EPB41L4B: variants seen among roughly 807,000 people sequenced by gnomAD.
EPB41L4B encodes the protein band 4.1-like protein 4B.
A neutral mutation model predicts 112.5 loss-of-function variants in EPB41L4B; 30 were observed. The observed-to-expected ratio is 0.27, with a 90% confidence interval of 0.20 to 0.36. The LOEUF (loss-of-function observed/expected upper bound fraction) is 0.36. Among genes scored for constraint, EPB41L4B ranks in the 10% least tolerant of loss-of-function variants. The probability of loss-of-function intolerance (pLI) is 1.00; values close to 1 mark genes in which losing one functional copy is unlikely to be tolerated. For synonymous variants in EPB41L4B, 408 were observed against 439.7 expected, an observed-to-expected ratio of 0.93 and a Z score of 0.90; for missense variants, 1,024 against 1,133.3, an observed-to-expected ratio of 0.90 and a Z score of 1.38.
intron 1 of EPB41L4B, among the ~76,000 whole-genome samples, chr9:109,282,530 T>G (rs1170231661): frequency 6.6e-6 from 1 of 151,988 alleles, no homozygotes; most frequent in East Asian, 1.9e-4. Flanking sequence ...GGGTAGTAGG[T>G]TCTAAGCACT....
At chr9:109,275,265 C>A (rs1357656343) in intron 2 of EPB41L4B, among the ~76,000 whole-genome samples, 1 of 152,222 alleles carries the variant, frequency 6.6e-6, no homozygotes, top group East Asian at 1.9e-4. Context: ...CAGCTGCCAA[C>A]CTCTGATCTG....
chr9:109,268,347 C>G (rs762756885), intron 3 of EPB41L4B, 44 bp downstream of exon 3: 1 of 1,576,762 alleles, frequency 6.3e-7, no homozygotes, highest in Non-Finnish European at 8.7e-7. Context: ...GGAGTTTACT[C>G]TCAGAAAAAA....
Position 109,174,557 on chromosome 9 carries a change from C to A in EPB41L4B, c.2700G>T (p.Leu900=), listed in dbSNP as rs753500246. Residue 900 remains leucine, a synonymous_variant, in exon 26 of 26, where the codon CTG becomes CTT. Transcript: ENST00000374566. ...TCCAGGTGACAAGGGGAGAATTTCA[C>A]AGTTCGGTCATCAACAGTCTTTTCA... is the stretch of plus-strand genomic sequence containing the variant. ...KMMKRLLMTE[L] 1 of 1,613,824 alleles carries A rather than the reference C, an allele frequency of 6.2e-7. No individual in the cohort carries two copies. Among genetic ancestry groups the A allele is most frequent in the Non-Finnish European group, 8.5e-7 (1 of 1,179,836 alleles).
chr9:109,312,453 T>C (rs6477700), intron 1 of EPB41L4B, among the ~76,000 whole-genome samples: 22,049 of 151,892 alleles, frequency 0.15, 1,807 homozygotes, highest in African/African-American at 0.23. Context: ...TGGAAGCCCT[T>C]TGGGGGCTCA....
intron 3 of EPB41L4B, 124 bp from the exon 4 acceptor site, chr9:109,267,675 G>A (rs1835458027): frequency 1.6e-6 from 1 of 629,526 alleles, no homozygotes; most frequent in Non-Finnish European, 2.8e-6. Context: ...AGCATAACTG[G>A]GCACGCGACA....
In EPB41L4B at chr9:109,285,113, G is replaced by A. The variant is rs141370917; in HGVS notation, c.307-5192C>T. On this transcript the variant is annotated intron_variant, in intron 1 of 25. Coordinates refer to ENST00000374566, the MANE Select transcript of EPB41L4B (RefSeq NM_019114.5). ...TGCCATGGTGCCCTGAATACACAGG[G>A]CCACCAAAACTCAAATGGCCCCAAA... Among the ~76,000 whole-genome samples the A allele has an allele frequency of 1.2e-3, 179 of 152,316 alleles. 1 individual carries two copies. The highest frequency in any genetic ancestry group is 4.0e-3 in the African/African-American group (165 of 41,566).
At chr9:109,195,600 T>A (rs1588127439) in intron 20 of EPB41L4B, among the ~76,000 whole-genome samples, 1 of 152,350 alleles carries the variant, frequency 6.6e-6, no homozygotes, top group East Asian at 1.9e-4. Flanking sequence ...ACCATCTCCA[T>A]TTTTCAGAGA....
At chr9:109,243,459 C>T (rs1375278173) in intron 15 of EPB41L4B, among the ~76,000 whole-genome samples, 159 bp downstream of exon 15, 1 of 152,174 alleles carries the variant, frequency 6.6e-6, no homozygotes, top group East Asian at 1.9e-4. Context: ...ACATCACTGG[C>T]TACCTTTGCT....
At chr9:109,313,456 C>T (rs1038816079) in intron 1 of EPB41L4B, among the ~76,000 whole-genome samples, 4 of 152,160 alleles carry the variant, frequency 2.6e-5, no homozygotes, top group East Asian at 1.9e-4. Flanking sequence ...GGATGCTGCC[C>T]GGCTCCAGCC....
At chr9:109,284,694 C>T (rs1433386523) in intron 1 of EPB41L4B, among the ~76,000 whole-genome samples, 2 of 152,196 alleles carry the variant, frequency 1.3e-5, no homozygotes, top group Non-Finnish European at 2.9e-5. Flanking sequence ...AGGCGTGAGC[C>T]CCCACGCCTG....
intron 15 of EPB41L4B, among the ~76,000 whole-genome samples, chr9:109,218,126 C>CTTTTTTTTTT: frequency 9.4e-6 from 1 of 106,568 alleles, no homozygotes; most frequent in Middle Eastern, 7.0e-3. Flanking sequence ...ACTAATAATT[C>CTTTTTTTTTT]TTTTTTTTTT....
chr9:109,310,383 T>C (rs1376266352), intron 1 of EPB41L4B, among the ~76,000 whole-genome samples: 1 of 152,148 alleles, frequency 6.6e-6, no homozygotes, highest in Non-Finnish European at 1.5e-5. Context: ...ACAGAGCATG[T>C]GGGGACTTTC....
chr9:109,237,123 G>A (rs1018454841), intron 15 of EPB41L4B, among the ~76,000 whole-genome samples: 2 of 152,200 alleles, frequency 1.3e-5, no homozygotes, highest in African/African-American at 4.8e-5. Flanking sequence ...GGCTGGAGTC[G>A]CTGACCTGGA....
intron 6 of EPB41L4B, among the ~76,000 whole-genome samples, chr9:109,260,252 T>A (rs1274914668): frequency 6.6e-6 from 1 of 151,946 alleles, no homozygotes; most frequent in Non-Finnish European, 1.5e-5. Flanking sequence ...GTATTTTTTG[T>A]AGAGACAGGG....
intron 1 of EPB41L4B, among the ~76,000 whole-genome samples, chr9:109,297,042 C>G (rs1836756926): frequency 1.3e-5 from 2 of 151,986 alleles, no homozygotes; most frequent in African/African-American, 4.8e-5. Flanking sequence ...AAAGAGGTAA[C>G]TAAGCTGAAG....
intron 1 of EPB41L4B, among the ~76,000 whole-genome samples, chr9:109,305,715 G>C (rs1299410908): frequency 6.6e-6 from 1 of 152,020 alleles, no homozygotes; most frequent in Non-Finnish European, 1.5e-5. Flanking sequence ...CTGAGGTCGG[G>C]AGTTCAAGAC....
chr9:109,182,608 C>T (rs978139779), intron 24 of EPB41L4B, 121 bp downstream of exon 24: 12 of 722,672 alleles, frequency 1.7e-5, no homozygotes, highest in African/African-American at 5.3e-5. Context: ...TCTTCCCAAC[C>T]TCACAGAGTT....
rs1329755706 is a variant in EPB41L4B, at chr9:109,172,483, T to A, written c.*2071A>T. ...ACCCAAACGCTACAATTGCCCCGGA[T>A]AGCTCCACTGACAGAGCAGAGAGCA... On this transcript the variant is annotated 3_prime_UTR_variant, in exon 26 of 26. Coordinates refer to ENST00000374566, the MANE Select transcript of EPB41L4B (RefSeq NM_019114.5). 1 of 152,180 alleles carries A rather than the reference T, an allele frequency of 6.6e-6. No individual in the cohort carries two copies. Among genetic ancestry groups the A allele is most frequent in the African/African-American group, 2.4e-5 (1 of 41,434 alleles). The allele number at this position is 152,180 out of a possible 1,614,324, so 9.4% of individuals were successfully genotyped here.
chr9:109,286,554 G>A (rs1427113831), intron 1 of EPB41L4B, among the ~76,000 whole-genome samples: 1 of 152,144 alleles, frequency 6.6e-6, no homozygotes, highest in East Asian at 1.9e-4. Context: ...GCCATTTCTT[G>A]TTGCCTTATC....
Sources: allele counts gnomAD v4.1 joint callset (sites outside exome capture counted in the v4.1 genomes callset), GRCh38; gene constraint gnomAD v4.1.1; transcripts MANE v1.5; gene names NCBI Gene and HGNC (gene_info 2026-07-23, HGNC 2026-07-21).